Variants in PDE4D observed in about 807,000 individuals in gnomAD.
PDE4D encodes the protein 3',5'-cyclic-AMP phosphodiesterase 4D.
A neutral mutation model predicts 87.4 loss-of-function variants in PDE4D; 24 were observed. That is an observed-to-expected ratio of 0.27 (90% CI 0.20 to 0.39). The LOEUF (loss-of-function observed/expected upper bound fraction) is 0.39. Among genes scored for constraint, PDE4D ranks in the 10% least tolerant of loss-of-function variants. PDE4D has a pLI of 1.00. For missense variants in PDE4D, 714 were observed against 1,041.0 expected (o/e 0.69, Z 4.32); for synonymous variants, 384 against 383.2 (o/e 1.00, Z -0.02).
At chr5:60,114,431 A>G (rs1777953060) in intron 2 of PDE4D, among the ~76,000 whole-genome samples, 1 of 152,136 alleles carries the variant, frequency 6.6e-6, no homozygotes, top group Non-Finnish European at 1.5e-5. Flanking sequence ...GATTAGTCAA[A>G]TGCAGAATAA....
chr5:60,177,121 T>C lies in PDE4D; in HGVS notation c.42+8436A>G, dbSNP rs182531472. Reference sequence around the variant, plus strand: ...ATGTCCAGGACTCAGTAAAGTTCGGTTGCATGTTACCGCCTGGAACTGGTT... The same window carrying C: ...ATGTCCAGGACTCAGTAAAGTTCGGCTGCATGTTACCGCCTGGAACTGGTT... On this transcript the variant is annotated intron_variant, in intron 2 of 16. Coordinates refer to the PDE4D transcript ENST00000502484. Among the ~76,000 whole-genome samples, 401 of 152,224 alleles carry C rather than the reference T, an allele frequency of 2.6e-3. 3 individuals are homozygous for C. Among genetic ancestry groups the C allele is most frequent in the African/African-American group, 9.3e-3 (386 of 41,556 alleles).
At chr5:59,153,179 C>T (rs1779694282) in intron 5 of PDE4D, among the ~76,000 whole-genome samples, 1 of 152,120 alleles carries the variant, frequency 6.6e-6, no homozygotes, top group Non-Finnish European at 1.5e-5. Context: ...GCATGACTCC[C>T]TAGTGTTTCC....
chr5:60,449,393 A>G (rs1052492877), intron 1 of PDE4D, among the ~76,000 whole-genome samples: 1 of 151,196 alleles, frequency 6.6e-6, no homozygotes, highest in Non-Finnish European at 1.5e-5. Flanking sequence ...TATCGCAAGA[A>G]CAAAAAACCA....
chr5:60,130,903 A>T lies in PDE4D; in HGVS notation c.42+54654T>A, dbSNP rs116232169. Among the ~76,000 whole-genome samples, 1,078 of 152,334 alleles carry T rather than the reference A, an allele frequency of 7.1e-3. 11 individuals are homozygous for T. Among genetic ancestry groups the T allele is most frequent in the African/African-American group, 0.025 (1,032 of 41,578 alleles). On this transcript the variant is annotated intron_variant, in intron 2 of 16. Transcript: ENST00000502484. Reference sequence around the variant, plus strand: ...CAGTTAAGACTTATATGACTTGTCTATGGAGCAATTCTAAAGTTGAAAACT... The same window carrying T: ...CAGTTAAGACTTATATGACTTGTCTTTGGAGCAATTCTAAAGTTGAAAACT...
At chr5:60,447,544 GA>G (rs1010469157) in intron 1 of PDE4D, among the ~76,000 whole-genome samples, 10 of 146,958 alleles carry the variant, frequency 6.8e-5, no homozygotes, top group East Asian at 6.0e-4. Flanking sequence ...AATAGCTTTT[GA>G]AAAAAAAAAG....
chr5:59,662,302 T>C (rs1745384287), intron 1 of PDE4D, among the ~76,000 whole-genome samples: 1 of 152,244 alleles, frequency 6.6e-6, no homozygotes, highest in Non-Finnish European at 1.5e-5. Flanking sequence ...TTCAGACTTC[T>C]CTTTGAAAAT....
At chr5:59,796,627 G>GC (rs1280234924) in intron 1 of PDE4D, among the ~76,000 whole-genome samples, 1 of 152,140 alleles carries the variant, frequency 6.6e-6, no homozygotes, top group East Asian at 1.9e-4. Flanking sequence ...GCAGATAATT[G>GC]CCTTATTAAA....
chr5:59,768,342 T>C (rs1763066163), intron 1 of PDE4D: 5 of 1,598,298 alleles, frequency 3.1e-6, no homozygotes, highest in South Asian at 2.2e-5. Context: ...GAGAGATCAC[T>C]GGAGAGAGCT....
chr5:59,036,459 C>A (rs986998255), intron 6 of PDE4D, among the ~76,000 whole-genome samples: 4 of 152,170 alleles, frequency 2.6e-5, no homozygotes, highest in African/African-American at 9.7e-5. Context: ...TATCAAATAA[C>A]TGAGTGGAGA....
At chr5:59,213,373 G>T (rs1750515666) in intron 2 of PDE4D, among the ~76,000 whole-genome samples, 1 of 151,982 alleles carries the variant, frequency 6.6e-6, no homozygotes, top group Non-Finnish European at 1.5e-5. Flanking sequence ...TGTTGCCAAG[G>T]CAGGTCTTCT....
intron 6 of PDE4D, among the ~76,000 whole-genome samples, chr5:59,030,817 A>G (rs1322579383): frequency 6.6e-6 from 1 of 152,168 alleles, no homozygotes; most frequent in Non-Finnish European, 1.5e-5. Flanking sequence ...TGCCTGTTAG[A>G]ATGACTATTT....
intron 3 of PDE4D, among the ~76,000 whole-genome samples, chr5:59,953,467 A>C (rs2152805753): frequency 6.6e-6 from 1 of 152,282 alleles, no homozygotes; most frequent in South Asian, 2.1e-4. Context: ...GGAGCCAACT[A>C]AATTTCTCAT....
At chr5:60,235,407 C>T (rs760949576) in intron 1 of PDE4D, among the ~76,000 whole-genome samples, 3 of 151,732 alleles carry the variant, frequency 2.0e-5, no homozygotes, top group Non-Finnish European at 2.9e-5. Context: ...TAAAACCTCC[C>T]GAAGTAGTTT....
chr5:60,121,157 C>T (rs1778638483), intron 2 of PDE4D, among the ~76,000 whole-genome samples: 2 of 151,450 alleles, frequency 1.3e-5, no homozygotes, highest in Admixed American at 1.3e-4. Context: ...ACCATGTGAT[C>T]ATGTGAGTTA....
chr5:60,433,973 A>G lies in PDE4D; in HGVS notation c.-90+53969T>C, dbSNP rs186351057. ...ATCAGAAGACTACATATTGGGTACTATGCTCATTACCTGGGTGACGAAATA... is the reference window on the plus strand; with the variant it reads ...ATCAGAAGACTACATATTGGGTACTGTGCTCATTACCTGGGTGACGAAATA... On this transcript the variant is annotated intron_variant, in intron 1 of 16. Transcript: ENST00000502484. Among the ~76,000 whole-genome samples the G allele has an allele frequency of 1.8e-3, 277 of 152,248 alleles. 1 individual carries two copies. The highest frequency in any genetic ancestry group is 6.4e-3 in the African/African-American group (268 of 41,562).
chr5:59,629,411 A>T lies in PDE4D; in HGVS notation c.455+263757T>A, dbSNP rs76754535. Among the ~76,000 whole-genome samples the T allele has an allele frequency of 3.4e-3, 512 of 152,276 alleles. 5 individuals carry two copies. Among genetic ancestry groups the T allele is most frequent in the African/African-American group, 0.011 (468 of 41,544 alleles). ...AAAAGGGAAATTTGGACACAGAGAC[A>T]TGTACAGAGAGAAGACAAAGAGAAA... is the stretch of plus-strand genomic sequence containing the variant. On this transcript the variant is annotated intron_variant, in intron 1 of 14. Transcript: ENST00000340635.
intron 1 of PDE4D, among the ~76,000 whole-genome samples, chr5:59,828,146 C>A (rs1358894387): frequency 2.0e-5 from 3 of 151,600 alleles, no homozygotes; most frequent in East Asian, 1.9e-4. Context: ...AAAAAAAAAT[C>A]TGGTGAATGG....
At position 60,006,065 on chromosome 5, in the gene PDE4D, A is replaced by G. The variant is rs185867668; in HGVS notation, c.43-17348T>C. Reference sequence around the variant, plus strand: ...TAATGTTATTGAGGTAATTTTTAAAAGACTATTTTTAGATACATACTAAAG... The same window carrying G: ...TAATGTTATTGAGGTAATTTTTAAAGGACTATTTTTAGATACATACTAAAG... On this transcript the variant is annotated intron_variant, in intron 2 of 16. Transcript: ENST00000502484. Among the ~76,000 whole-genome samples, 450 of 152,126 alleles carry G rather than the reference A, an allele frequency of 3.0e-3. 1 individual carries two copies. Among genetic ancestry groups the G allele is most frequent in the African/African-American group, 0.01 (434 of 41,566 alleles).
At chr5:59,572,877 G>A (rs1218401630) in intron 1 of PDE4D, among the ~76,000 whole-genome samples, 1 of 152,210 alleles carries the variant, frequency 6.6e-6, no homozygotes, top group Admixed American at 6.5e-5. Flanking sequence ...GGGAAAAAAG[G>A]GACAGGAGAG....
Sources: allele counts gnomAD v4.1 joint callset (sites outside exome capture counted in the v4.1 genomes callset), GRCh38; gene constraint gnomAD v4.1.1; transcripts MANE v1.5; gene names NCBI Gene and HGNC (gene_info 2026-07-23, HGNC 2026-07-21).